Variants in OGFOD1 observed in about 807,000 individuals in gnomAD.
The protein encoded by OGFOD1 is 2-oxoglutarate and iron dependent oxygenase domain containing 1.
In OGFOD1, 54 loss-of-function variants were observed where a neutral mutation model predicts 67.7. The observed-to-expected ratio is 0.80, with a 90% CI of 0.64 to 1.00. The LOEUF is 1.00. Among genes scored for constraint, OGFOD1 ranks in the 50% least tolerant of loss-of-function variants. The probability of loss-of-function intolerance (pLI) is 0.00; values close to 1 mark genes in which losing one functional copy is unlikely to be tolerated. For missense variants in OGFOD1, 606 were observed against 646.7 expected (o/e 0.94, Z 0.68); for synonymous variants, 221 against 227.0 (o/e 0.97, Z 0.24).
rs962558745 is a variant in OGFOD1, at chr16:56,476,044, C to T, written c.1468C>T (p.Leu490=). ...GTGTCACTGTATTTGTCTTTTTCAG[C>T]TGCTAACAGTGAATCCAGAAAGCAA... The part of the protein sequence containing the change: ...SYIAKGEDEE[L]LTVNPESNSL... The change falls in exon 13 of 13, where the codon CTG becomes TTG. Residue 490 remains leucine (L), a splice_region_variant and synonymous_variant. Coordinates refer to ENST00000566157, the MANE Select transcript of OGFOD1 (RefSeq NM_018233.4). 2.8e-5 allele frequency: 45 copies of T among 1,606,614 alleles called. No individual in the cohort carries two copies. Among genetic ancestry groups the T allele is most frequent in the Non-Finnish European group, 3.8e-5 (45 of 1,177,402 alleles).
At chr16:56,463,384 G>GTTTTTT (rs56388148) in intron 4 of OGFOD1, among the ~76,000 whole-genome samples, 16 of 43,806 alleles carry the variant, frequency 3.7e-4, no homozygotes, top group Non-Finnish European at 5.1e-4. Context: ...TCTTTTTTGG[G>GTTTTTT]TTTTTTTTTT....
At chr16:56,463,131 GT>G (rs1380005243) in intron 4 of OGFOD1, among the ~76,000 whole-genome samples, 12 of 152,178 alleles carry the variant, frequency 7.9e-5, no homozygotes, top group African/African-American at 2.9e-4. Flanking sequence ...ATTGTCACCA[GT>G]TTGGGGTGCA....
chr16:56,465,949 C>G, intron 4 of OGFOD1: 7 of 487,624 alleles, frequency 1.4e-5, no homozygotes, highest in Non-Finnish European at 2.6e-5. Context: ...TAATTATGTG[C>G]TCTTTATTTT....
Position 56,467,980 on chromosome 16 carries a change from G to A in OGFOD1, c.862G>A (p.Glu288Lys), listed in dbSNP as rs1235095874. 2 of 1,601,760 alleles carry A rather than the reference G, an allele frequency of 1.2e-6. No homozygotes were observed. Among genetic ancestry groups the A allele is most frequent in the East Asian group, 2.2e-5 (1 of 44,812 alleles). ...CCAAGTTCAAATTCAAGAAGAGTTT[G>A]AAGAAAGTTCTGAAATTCTCCTGAA... Reference protein sequence around the residue: ...DYQVQIQEEFEESSEILLKEF... With the variant: ...DYQVQIQEEFKESSEILLKEF... Residue 288 changes from glutamate (E) to lysine (K), a missense_variant, in exon 8 of 13, where the codon GAA becomes AAA. Transcript: ENST00000566157.
intron 8 of OGFOD1, among the ~76,000 whole-genome samples, chr16:56,469,432 G>GT (rs1963047794): frequency 6.6e-6 from 1 of 152,118 alleles, no homozygotes. Context: ...GCAGATTGAC[G>GT]TAAGGTATAT....
chr16:56,463,391 T>G (rs1479927450), intron 4 of OGFOD1, among the ~76,000 whole-genome samples: 12 of 114,674 alleles, frequency 1.0e-4, no homozygotes, highest in African/African-American at 3.8e-4. Context: ...TGGGTTTTTT[T>G]TTTTTTTTTT....
At chr16:56,458,718 G>T (rs1364288666) in intron 3 of OGFOD1, 124 bp downstream of exon 3, 5 of 776,162 alleles carry the variant, frequency 6.4e-6, no homozygotes, top group Non-Finnish European at 1.1e-5. Flanking sequence ...ACTTTGTAGA[G>T]GAGGAAAGAG....
At chr16:56,457,651 G>A (rs867079127) in intron 2 of OGFOD1, among the ~76,000 whole-genome samples, 20 of 151,256 alleles carry the variant, frequency 1.3e-4, no homozygotes, top group African/African-American at 4.9e-4. Context: ...TTAAGTCAAA[G>A]CCAAAGTACT....
In OGFOD1 at chr16:56,453,423, G is replaced by A; in HGVS notation, c.300+15G>A. On this transcript the variant is annotated intron_variant, in intron 2 of 12. Transcript: ENST00000566157. ...AGTTCCAGCAGGTATTTATTCCCCT[G>A]CCACATTAACTCTTCCAGCTTGGAA... 6.2e-7 allele frequency: 1 copy of A among 1,605,614 alleles called. No homozygotes were observed. The highest frequency in any genetic ancestry group is 8.5e-7 in the Non-Finnish European group (1 of 1,176,026).
chr16:56,474,853 G>A lies in OGFOD1; in HGVS notation c.1311G>A (p.Gly437=), dbSNP rs28421249. 3.4e-3 allele frequency: 5,556 copies of A among 1,612,734 alleles called. 156 individuals are homozygous for A. The African/African-American group carries it at 0.065, about 19-fold the overall frequency. ...KKESSVPMCQ[G]ELRHWKTGHY... ...AATCAAGTGTTCCCATGTGCCAAGG[G>A]GAACTGAGGCATTGGAAGACCGGTC... The change falls in exon 11 of 13, where the codon GGG becomes GGA. Residue 437 remains glycine, a synonymous_variant. Coordinates refer to ENST00000566157, the MANE Select transcript of OGFOD1 (RefSeq NM_018233.4).
chr16:56,451,540 T>A, upstream of OGFOD1: 1 of 1,519,614 alleles, frequency 6.6e-7, no homozygotes, highest in Non-Finnish European at 9.0e-7. Flanking sequence ...AAAGGGGACA[T>A]GCCGGGAGTT....
chr16:56,470,763 A>G lies in OGFOD1; in HGVS notation c.1257A>G (p.Pro419=). 1 of 1,603,520 alleles carries G rather than the reference A, an allele frequency of 6.2e-7. No homozygotes were observed. The highest frequency in any genetic ancestry group is 1.1e-5 in the South Asian group (1 of 89,414). The change falls in exon 10 of 13, where the codon CCA becomes CCG. Residue 419 remains proline (P), a synonymous_variant. Coordinates refer to ENST00000566157, the MANE Select transcript of OGFOD1 (RefSeq NM_018233.4). ...AACAGAGCAATGAGCAGACAGACCC[A>G]GAGCCAGAGGAAAATGAAACAAAGA... ...NSQQSNEQTD[P]EPEENETKKE...
At chr16:56,475,939 C>T (rs749154507) in intron 12 of OGFOD1, 105 bp from the exon 13 acceptor site, 2 of 1,052,642 alleles carry the variant, frequency 1.9e-6, no homozygotes, top group Middle Eastern at 2.8e-4. Flanking sequence ...CCCTCTATCC[C>T]CAGATTAAGT....
intron 2 of OGFOD1, chr16:56,453,620 C>T: frequency 2.4e-6 from 1 of 423,646 alleles, no homozygotes; most frequent in Non-Finnish European, 4.2e-6. Flanking sequence ...TAGACAGTGC[C>T]TGCCCTGTAA....
chr16:56,470,459 T>A, intron 9 of OGFOD1, 28 bp from the exon 10 acceptor site: 1 of 1,568,690 alleles, frequency 6.4e-7, no homozygotes, highest in Non-Finnish European at 8.6e-7. Flanking sequence ...GTGGCTTTGA[T>A]GAACAACTTG....
At chr16:56,463,383 G>GTTT (rs1962782860) in intron 4 of OGFOD1, among the ~76,000 whole-genome samples, 1 of 80,110 alleles carries the variant, frequency 1.2e-5, no homozygotes, top group Non-Finnish European at 2.7e-5. Context: ...TTCTTTTTTG[G>GTTT]GTTTTTTTTT....
intron 1 of OGFOD1, among the ~76,000 whole-genome samples, 166 bp from the exon 2 acceptor site, chr16:56,453,097 A>G (rs1278772109): frequency 6.6e-6 from 1 of 152,240 alleles, no homozygotes; most frequent in African/African-American, 2.4e-5. Context: ...TTTAATGGGT[A>G]AAGAAGAAAG....
At chr16:56,465,592 C>T (rs1962868137) in intron 4 of OGFOD1, 1 of 152,698 alleles carries the variant, frequency 6.5e-6, no homozygotes, top group African/African-American at 2.4e-5. Context: ...AGAAGTTCCC[C>T]TCAAGAAATT....
chr16:56,459,329 G>A lies in OGFOD1; in HGVS notation c.347+735G>A, dbSNP rs1274839513. Among the ~76,000 whole-genome samples the A allele has an allele frequency of 7.4e-5, 11 of 148,670 alleles. No homozygotes were observed. The South Asian group carries it at 8.5e-4, about 11-fold the overall frequency. On this transcript the variant is annotated intron_variant, in intron 3 of 12. Transcript: ENST00000566157. ...GCACTCCAGCCTGGGCGACAACAGC[G>A]AGACTCCATCTCAAAAAAAAAAAAA...
Sources: gnomAD v4.1 joint callset for allele counts (sites outside exome capture counted in the v4.1 genomes callset) on GRCh38, gnomAD v4.1.1 for gene constraint, MANE v1.5 for transcripts, NCBI Gene and HGNC (gene_info 2026-07-23, HGNC 2026-07-21) for gene names.